The following PXDNL variants were observed in gnomAD, a reference collection of about 807,000 sequenced individuals.
The protein encoded by PXDNL is probable oxidoreductase PXDNL.
PXDNL carries 145 observed loss-of-function variants against 150.8 expected under a neutral mutation model. The observed-to-expected ratio is 0.96, with a 90% CI of 0.84 to 1.10. PXDNL has a LOEUF of 1.10. Ranked by LOEUF, PXDNL falls within the 50% of genes least tolerant of loss-of-function variation. The pLI is 0.00. For missense variants in PXDNL, 2,087 were observed against 1,873.9 expected, an observed-to-expected ratio of 1.11 and a Z score of -2.10; for synonymous variants, 757 against 725.7, an observed-to-expected ratio of 1.04 and a Z score of -0.69.
intron 7 of PXDNL, 90 bp from the exon 8 acceptor site, chr8:51,472,394 T>G (rs1191859442): frequency 6.5e-6 from 6 of 918,730 alleles, no homozygotes; most frequent in African/African-American, 5.0e-5. Context: ...CAATTTAAAT[T>G]TATTTCTACA....
intron 2 of PXDNL, among the ~76,000 whole-genome samples, chr8:51,652,501 A>G: frequency 6.6e-6 from 1 of 151,408 alleles, no homozygotes. Flanking sequence ...TGTACACACA[A>G]CTTACTGTTT....
At chr8:51,792,853 A>T (rs1249315171) in intron 1 of PXDNL, among the ~76,000 whole-genome samples, 1 of 152,228 alleles carries the variant, frequency 6.6e-6, no homozygotes, top group Non-Finnish European at 1.5e-5. Flanking sequence ...GAGCTCCTGT[A>T]GGGAGAGGCA....
intron 3 of PXDNL, among the ~76,000 whole-genome samples, chr8:51,584,341 A>T (rs1387781091): frequency 1.3e-5 from 2 of 152,164 alleles, no homozygotes; most frequent in East Asian, 3.9e-4. Flanking sequence ...CAGGCAGGGT[A>T]GGAGAGGTGT....
intron 2 of PXDNL, among the ~76,000 whole-genome samples, chr8:51,593,451 A>G (rs16916575): frequency 0.023 from 3,540 of 152,298 alleles, 64 homozygotes; most frequent in African/African-American, 0.05. Context: ...ATTGGCACAC[A>G]TGTTCCTGAA....
chr8:51,417,083 G>A (rs1386956064), intron 14 of PXDNL, among the ~76,000 whole-genome samples: 1 of 152,012 alleles, frequency 6.6e-6, no homozygotes, highest in African/African-American at 2.4e-5. Context: ...CAATGTGTTG[G>A]GGACACATTA....
chr8:51,529,190 T>C (rs61391093), intron 4 of PXDNL, among the ~76,000 whole-genome samples: 14,686 of 152,140 alleles, frequency 0.097, 1,486 homozygotes, highest in African/African-American at 0.25. Context: ...CAAAAATATT[T>C]GTCAGAGTTT....
chr8:51,556,643 TTCTG>T (rs1812605524), intron 4 of PXDNL, among the ~76,000 whole-genome samples, 193 bp downstream of exon 4: 1 of 152,162 alleles, frequency 6.6e-6, no homozygotes, highest in Non-Finnish European at 1.5e-5. Flanking sequence ...TCCAGCTGAG[TTCTG>T]TCTGTCTTCC....
intron 4 of PXDNL, among the ~76,000 whole-genome samples, chr8:51,509,879 C>T (rs753649121): frequency 6.6e-5 from 10 of 151,446 alleles, no homozygotes; most frequent in Non-Finnish European, 1.3e-4. Context: ...ATGCAATATG[C>T]TTGTTCATTT....
intron 19 of PXDNL, among the ~76,000 whole-genome samples, chr8:51,367,762 A>C (rs554331162): frequency 6.6e-6 from 1 of 152,360 alleles, no homozygotes; most frequent in African/African-American, 2.4e-5. Flanking sequence ...AGTTAAGGGC[A>C]AAAAGAAAAA....
At chr8:51,717,076 C>A (rs528789027) in intron 1 of PXDNL, among the ~76,000 whole-genome samples, 1 of 152,116 alleles carries the variant, frequency 6.6e-6, no homozygotes, top group Admixed American at 6.5e-5. Context: ...ACAGTGACAA[C>A]GTTTGTGCTT....
intron 2 of PXDNL, 80 bp from the exon 3 acceptor site, chr8:51,592,778 G>T: frequency 9.9e-7 from 1 of 1,006,064 alleles, no homozygotes; most frequent in African/African-American, 1.7e-5. Context: ...GCTAAGTATA[G>T]TGCTTTACAC....
chr8:51,345,254 A>C (rs147490996), intron 20 of PXDNL, among the ~76,000 whole-genome samples: 409 of 152,332 alleles, frequency 2.7e-3, no homozygotes, highest in Non-Finnish European at 4.8e-3. Flanking sequence ...CTGCTTTCAG[A>C]AGCTTCCAAG....
intron 4 of PXDNL, among the ~76,000 whole-genome samples, chr8:51,520,308 A>C (rs1170860727): frequency 1.3e-5 from 2 of 152,134 alleles, no homozygotes; most frequent in East Asian, 3.9e-4. Context: ...TCAGAAAAAT[A>C]AGTAAAAGAA....
rs571475080 is a variant in PXDNL at position 51,572,725 on chromosome 8, CTT to C, written c.309-15816_309-15815del. 2.6e-5 allele frequency among the ~76,000 whole-genome samples: 4 copies of C among 151,704 alleles called. No homozygotes were observed. In the East Asian group the frequency reaches 5.8e-4, roughly 22 times the overall value. Reference sequence around the variant, plus strand: ...ATGGCACATTTTATGTAATATATGTCTTAACACATTTTAAGGAATAAAATTTT... The same window carrying C: ...ATGGCACATTTTATGTAATATATGTCAACACATTTTAAGGAATAAAATTTT... On this transcript the variant is annotated intron_variant, in intron 3 of 22. Transcript: ENST00000356297.
intron 2 of PXDNL, among the ~76,000 whole-genome samples, chr8:51,649,486 T>G (rs1464291278): frequency 6.6e-6 from 1 of 152,204 alleles, no homozygotes; most frequent in Non-Finnish European, 1.5e-5. Context: ...CTCTTAGCTT[T>G]GTAGGTGAAG....
At chr8:51,543,119 A>T (rs1399695132) in intron 4 of PXDNL, among the ~76,000 whole-genome samples, 1 of 152,180 alleles carries the variant, frequency 6.6e-6, no homozygotes, top group Admixed American at 6.5e-5. Flanking sequence ...TTCTCATTTT[A>T]TAAACAATAC....
At chr8:51,746,498 T>C (rs79629879) in intron 1 of PXDNL, among the ~76,000 whole-genome samples, 1,591 of 152,284 alleles carry the variant, frequency 0.01, 22 homozygotes, top group African/African-American at 0.036. Flanking sequence ...TATCATTAAC[T>C]TTCTTTATAA....
chr8:51,528,344 C>T (rs1023374121), intron 4 of PXDNL, among the ~76,000 whole-genome samples: 2 of 152,090 alleles, frequency 1.3e-5, no homozygotes, highest in African/African-American at 2.4e-5. Flanking sequence ...TTTAAAAATG[C>T]GCAGATGCCC....
chr8:51,772,097 C>T lies in PXDNL; in HGVS notation c.164+37084G>A, dbSNP rs570830336. On this transcript the variant is annotated intron_variant, in intron 1 of 22. Coordinates refer to ENST00000356297, the MANE Select transcript of PXDNL (RefSeq NM_144651.5). ...GTGTCTCTCCCTCTCCTGCTCACCT[C>T]GTAGGTTACTCACCCCGCACACCAT... Among the ~76,000 whole-genome samples the T allele has an allele frequency of 4.6e-5, 7 of 152,234 alleles. No individual in the cohort carries two copies. In the South Asian group the frequency reaches 6.2e-4, roughly 14 times the overall value.
Sources: allele counts gnomAD v4.1 joint callset (sites outside exome capture counted in the v4.1 genomes callset), GRCh38; gene constraint gnomAD v4.1.1; transcripts MANE v1.5; gene names NCBI Gene and HGNC (gene_info 2026-07-23, HGNC 2026-07-21).